The following LRFN2 variants were observed in gnomAD, a reference collection of about 807,000 sequenced individuals.
LRFN2 encodes leucine rich repeat and fibronectin type III domain containing 2.
A neutral mutation model predicts 37.3 loss-of-function variants in LRFN2; 18 were observed. The ratio of observed to expected loss-of-function variants is 0.48; its 90% CI spans 0.33 to 0.72. The LOEUF is 0.72. Among genes scored for constraint, LRFN2 ranks in the 30% least tolerant of loss-of-function variants. LRFN2 has a pLI of 0.02. For missense variants in LRFN2, 1,006 were observed against 1,060.7 expected, an observed-to-expected ratio of 0.95 and a Z score of 0.72; for synonymous variants, 556 against 466.6, an observed-to-expected ratio of 1.19 and a Z score of -2.47.
At chr6:40,401,963 A>C (rs1307965625) in intron 2 of LRFN2, among the ~76,000 whole-genome samples, 1 of 152,012 alleles carries the variant, frequency 6.6e-6, no homozygotes, top group African/African-American at 2.4e-5. Context: ...CTGGCTCTTC[A>C]CAGAACCACT....
intron 1 of LRFN2, among the ~76,000 whole-genome samples, chr6:40,487,720 A>G (rs1764996646): frequency 6.6e-6 from 1 of 152,216 alleles, no homozygotes; most frequent in Non-Finnish European, 1.5e-5. Context: ...TGGAAGTGTA[A>G]AAAGATACAT....
intron 1 of LRFN2, among the ~76,000 whole-genome samples, chr6:40,519,741 G>T (rs1355832645): frequency 6.6e-6 from 1 of 152,234 alleles, no homozygotes; most frequent in Non-Finnish European, 1.5e-5. Context: ...GGATAGGAAA[G>T]GTGATGTGTA....
At chr6:40,544,784 T>C (rs1449120440) in intron 1 of LRFN2, among the ~76,000 whole-genome samples, 1 of 152,214 alleles carries the variant, frequency 6.6e-6, no homozygotes, top group Non-Finnish European at 1.5e-5. Context: ...AAAGTGATAC[T>C]GGCCAGAGAG....
intron 1 of LRFN2, among the ~76,000 whole-genome samples, chr6:40,443,222 T>A (rs1352699518): frequency 2.0e-5 from 3 of 152,162 alleles, no homozygotes; most frequent in African/African-American, 7.2e-5. Flanking sequence ...CCTGGACTTA[T>A]AGGAAACCAA....
intron 1 of LRFN2, among the ~76,000 whole-genome samples, chr6:40,498,153 T>G (rs1013997150): frequency 6.6e-6 from 1 of 152,038 alleles, no homozygotes; most frequent in Non-Finnish European, 1.5e-5. Flanking sequence ...GCTCTGTCAC[T>G]GTCAGGGAAG....
At chr6:40,476,156 G>A (rs1430672935) in intron 1 of LRFN2, among the ~76,000 whole-genome samples, 1 of 152,114 alleles carries the variant, frequency 6.6e-6, no homozygotes, top group Non-Finnish European at 1.5e-5. Flanking sequence ...GTCAGACTGG[G>A]CCTTCCATGC....
chr6:40,508,728 G>A (rs1457296229), intron 1 of LRFN2, among the ~76,000 whole-genome samples: 1 of 152,208 alleles, frequency 6.6e-6, no homozygotes, highest in Non-Finnish European at 1.5e-5. Flanking sequence ...TGCTTGGCAT[G>A]ACATTAGTGT....
At chr6:40,422,024 A>G (rs1763239094) in intron 2 of LRFN2, among the ~76,000 whole-genome samples, 1 of 152,178 alleles carries the variant, frequency 6.6e-6, no homozygotes, top group Non-Finnish European at 1.5e-5. Flanking sequence ...CCATGTCTGG[A>G]GCCCCTGATT....
intron 1 of LRFN2, among the ~76,000 whole-genome samples, chr6:40,544,267 C>G (rs1345576618): frequency 2.6e-5 from 4 of 152,236 alleles, no homozygotes; most frequent in Non-Finnish European, 5.9e-5. Flanking sequence ...CTCACCCATT[C>G]CCATTGATGC....
At chr6:40,504,696 T>C (rs1283304261) in intron 1 of LRFN2, among the ~76,000 whole-genome samples, 1 of 152,142 alleles carries the variant, frequency 6.6e-6, no homozygotes, top group Non-Finnish European at 1.5e-5. Context: ...AATCACCTGC[T>C]CTCACCAAGA....
At chr6:40,428,597 T>C (rs1198159928) in intron 2 of LRFN2, among the ~76,000 whole-genome samples, 1 of 152,250 alleles carries the variant, frequency 6.6e-6, no homozygotes, top group East Asian at 1.9e-4. Context: ...TGAGTCTGGG[T>C]GCTGAAGCCA....
At chr6:40,493,139 A>C (rs970880127) in intron 1 of LRFN2, among the ~76,000 whole-genome samples, 1 of 152,042 alleles carries the variant, frequency 6.6e-6, no homozygotes, top group East Asian at 1.9e-4. Context: ...GAGAAACAAC[A>C]TCCTGGAGTC....
rs57069785 is a variant in LRFN2, at chr6:40,502,859, G to A, written c.-18-69728C>T. Among the ~76,000 whole-genome samples the A allele has an allele frequency of 1.5e-3, 226 of 152,376 alleles. 1 individual carries two copies. The highest frequency in any genetic ancestry group is 5.2e-3 in the African/African-American group (215 of 41,598). ...AAATGATCAGACAGCCACATTAGGTGATGAGGCTCCCAGCCCAGGAAGAGC... is the reference window on the plus strand; with the variant it reads ...AAATGATCAGACAGCCACATTAGGTAATGAGGCTCCCAGCCCAGGAAGAGC... On this transcript the variant is annotated intron_variant, in intron 1 of 2. Transcript: ENST00000338305.
intron 1 of LRFN2, among the ~76,000 whole-genome samples, chr6:40,497,530 G>A (rs188885036): frequency 9.2e-5 from 14 of 152,232 alleles, no homozygotes; most frequent in African/African-American, 2.6e-4. Context: ...TCAGGCACCC[G>A]TTACCATATT....
chr6:40,399,421 CTTTTCTTTTTTT>C (rs1295951197), intron 2 of LRFN2, among the ~76,000 whole-genome samples: 7 of 133,886 alleles, frequency 5.2e-5, no homozygotes, highest in Non-Finnish European at 9.6e-5. Context: ...CTTTCTTTTT[CTTTTCTTTTTTT>C]TTTTCTTTTT....
At chr6:40,534,925 C>T (rs76160318) in intron 1 of LRFN2, among the ~76,000 whole-genome samples, 2,954 of 152,288 alleles carry the variant, frequency 0.019, 74 homozygotes, top group African/African-American at 0.066. Flanking sequence ...AGATGAGGCG[C>T]CTGAGGCTCA....
intron 1 of LRFN2, among the ~76,000 whole-genome samples, chr6:40,470,155 T>C (rs7768045): frequency 0.18 from 28,006 of 152,144 alleles, 4,772 homozygotes; most frequent in African/African-American, 0.45. Context: ...AGAACCCCAC[T>C]TGCCAAGCCA....
chr6:40,399,098 G>A (rs1164683550), intron 2 of LRFN2, among the ~76,000 whole-genome samples: 1 of 151,870 alleles, frequency 6.6e-6, no homozygotes, highest in Admixed American at 6.6e-5. Context: ...GGAGAAGCCA[G>A]GTATCTCTTC....
At chr6:40,544,921 A>G (rs867334329) in intron 1 of LRFN2, among the ~76,000 whole-genome samples, 33 of 152,322 alleles carry the variant, frequency 2.2e-4, no homozygotes, top group Middle Eastern at 3.4e-3. Flanking sequence ...GATGATTAGG[A>G]TAATGGCAAC....
Sources: gnomAD v4.1 joint callset for allele counts (sites outside exome capture counted in the v4.1 genomes callset) on GRCh38, gnomAD v4.1.1 for gene constraint, MANE v1.5 for transcripts, NCBI Gene and HGNC (gene_info 2026-07-23, HGNC 2026-07-21) for gene names.